Variants in EPG5 observed in about 807,000 individuals in gnomAD.
EPG5 encodes the protein ectopic P-granules 5 autophagy tethering factor, also known as ectopic P granules protein 5 homolog.
A neutral mutation model predicts 302.7 loss-of-function variants in EPG5; 159 were observed. The ratio of observed to expected loss-of-function variants is 0.53; its 90% confidence interval spans 0.46 to 0.60. EPG5 has a LOEUF of 0.60. EPG5 is among the 20% of genes least tolerant of loss of function. The pLI, the probability that EPG5 is intolerant of heterozygous loss-of-function variation, is 0.00. For missense variants in EPG5, 2,896 were observed against 3,092.4 expected, an observed-to-expected ratio of 0.94 and a Z score of 1.51; for synonymous variants, 1,158 against 1,136.8, an observed-to-expected ratio of 1.02 and a Z score of -0.37.
At chr18:45,877,327 G>C (rs1568113511) in intron 34 of EPG5, among the ~76,000 whole-genome samples, 2 of 152,310 alleles carry the variant, frequency 1.3e-5, no homozygotes, top group East Asian at 3.9e-4. Flanking sequence ...GCTGAGGCAG[G>C]AGAATCGCTT....
At chr18:45,842,875 A>T (rs1175457808), downstream of EPG5, 1 of 152,530 alleles carries the variant, frequency 6.6e-6, no homozygotes, top group East Asian at 1.9e-4. Flanking sequence ...TCCAGAGAGC[A>T]AGCCTGGGGC....
chr18:45,822,215 T>TA, the EPG5 span, among the ~76,000 whole-genome samples: 1 of 152,100 alleles, frequency 6.6e-6, no homozygotes. Flanking sequence ...TATTCAGCCA[T>TA]AAAAAAGAAT....
intron 11 of EPG5, among the ~76,000 whole-genome samples, chr18:45,932,234 G>A (rs1433141517): frequency 1.3e-5 from 2 of 152,032 alleles, no homozygotes; most frequent in Admixed American, 6.6e-5. Context: ...AAAAAACAAT[G>A]GGAAAGTGAA....
At chr18:45,846,718 C>T (rs2145106351), downstream of EPG5, among the ~76,000 whole-genome samples, 2 of 152,096 alleles carry the variant, frequency 1.3e-5, no homozygotes, top group East Asian at 3.9e-4. Context: ...GGTGAGTCCA[C>T]AGTGCAAAGC....
At chr18:45,887,054 G>C (rs996055083) in intron 29 of EPG5, among the ~76,000 whole-genome samples, 3 of 152,114 alleles carry the variant, frequency 2.0e-5, no homozygotes, top group Non-Finnish European at 4.4e-5. Flanking sequence ...CATCCAATAA[G>C]TAAGTACTCA....
chr18:45,952,554 C>T lies in EPG5; in HGVS notation c.1098G>A (p.Lys366=), dbSNP rs532788286. ...MNENALVELK[K]LFDAKSEHLH... is the part of the protein sequence containing the mutation. The stretch of plus-strand genomic sequence containing the variant: ...GGTGCTCAGATTTGGCATCGAATAG[C>T]TTCTTTAGCTCCACCAGTGCATTTT... Residue 366 remains lysine (K), a synonymous_variant, in exon 3 of 44, where the codon AAG becomes AAA. Coordinates refer to ENST00000282041, the MANE Select transcript of EPG5 (RefSeq NM_020964.3). 8 of 1,614,112 alleles carry T rather than the reference C, an allele frequency of 5.0e-6. No individual in the cohort carries two copies. In the East Asian group the frequency reaches 1.8e-4, roughly 36 times the overall value.
At chr18:45,909,439 G>T (rs745923484) in intron 23 of EPG5, among the ~76,000 whole-genome samples, 1 of 152,182 alleles carries the variant, frequency 6.6e-6, no homozygotes, top group East Asian at 1.9e-4. Flanking sequence ...ACAGAGAGTC[G>T]TAAAAGGTTG....
chr18:45,964,734 G>A (rs531647915), intron 1 of EPG5, among the ~76,000 whole-genome samples: 18 of 152,206 alleles, frequency 1.2e-4, no homozygotes, highest in African/African-American at 3.4e-4. Flanking sequence ...GTGGGAGGCC[G>A]AGGTGGGCAG....
intron 36 of EPG5, chr18:45,868,166 A>G (rs752014581): frequency 6.6e-6 from 3 of 456,438 alleles, no homozygotes; most frequent in South Asian, 1.5e-5. Context: ...AATGGAAGGT[A>G]TATTAAAACA....
the EPG5 span, among the ~76,000 whole-genome samples, chr18:45,841,674 G>A: frequency 6.6e-6 from 1 of 152,184 alleles, no homozygotes; most frequent in Non-Finnish European, 1.5e-5. Flanking sequence ...GGGAGCCTGA[G>A]CCCTGGGTCC....
At chr18:45,862,091 C>T (rs2048647299) in intron 39 of EPG5, among the ~76,000 whole-genome samples, 1 of 152,090 alleles carries the variant, frequency 6.6e-6, no homozygotes, top group Non-Finnish European at 1.5e-5. Context: ...TTTTTGAAGT[C>T]TAATGTTAAT....
chr18:45,834,859 A>G, the EPG5 span, among the ~76,000 whole-genome samples: 1 of 152,212 alleles, frequency 6.6e-6, no homozygotes, highest in South Asian at 2.1e-4. Flanking sequence ...GGTCACAGAA[A>G]GTGAGAAATA....
At chr18:45,933,948 A>T (rs544483026) in intron 11 of EPG5, among the ~76,000 whole-genome samples, 2 of 152,144 alleles carry the variant, frequency 1.3e-5, no homozygotes, top group African/African-American at 4.8e-5. Flanking sequence ...TACAACATAC[A>T]TCTAATTAAA....
chr18:45,911,561 G>T (rs2049902812), intron 22 of EPG5, among the ~76,000 whole-genome samples: 1 of 152,078 alleles, frequency 6.6e-6, no homozygotes, highest in Non-Finnish European at 1.5e-5. Flanking sequence ...CAAAGTGCTG[G>T]GATTACAGGC....
At chr18:45,958,844 C>T (rs983343216) in intron 1 of EPG5, among the ~76,000 whole-genome samples, 1 of 152,198 alleles carries the variant, frequency 6.6e-6, no homozygotes, top group African/African-American at 2.4e-5. Context: ...CAAGTACCAT[C>T]AAGCTCACAC....
intron 29 of EPG5, among the ~76,000 whole-genome samples, chr18:45,887,486 T>C (rs1235814568): frequency 1.3e-5 from 2 of 152,234 alleles, no homozygotes; most frequent in East Asian, 1.9e-4. Context: ...GTACTGTTAT[T>C]GTTAAGAACA....
intron 16 of EPG5, among the ~76,000 whole-genome samples, chr18:45,920,913 A>C: frequency 6.6e-6 from 1 of 152,130 alleles, no homozygotes; most frequent in East Asian, 1.9e-4. Flanking sequence ...CTTCCTTTAC[A>C]TTCTTTCTGC....
intron 36 of EPG5, among the ~76,000 whole-genome samples, chr18:45,869,845 T>C (rs925442017): frequency 4.6e-5 from 7 of 151,404 alleles, no homozygotes; most frequent in African/African-American, 1.7e-4. Flanking sequence ...ACAATAAATG[T>C]GACAGTAAGA....
At chr18:45,964,088 A>G (rs1190719921) in intron 1 of EPG5, among the ~76,000 whole-genome samples, 4 of 152,236 alleles carry the variant, frequency 2.6e-5, no homozygotes, top group Non-Finnish European at 4.4e-5. Context: ...AAATTAATGT[A>G]TGTTTGTATA....
Sources: gnomAD v4.1 joint callset for allele counts (sites outside exome capture counted in the v4.1 genomes callset) on GRCh38, gnomAD v4.1.1 for gene constraint, MANE v1.5 for transcripts, NCBI Gene and HGNC (gene_info 2026-07-23, HGNC 2026-07-21) for gene names.